TDRD1: variants seen among roughly 807,000 people sequenced by gnomAD.
TDRD1 encodes tudor domain containing 1.
TDRD1 carries 37 observed loss-of-function variants against 140.6 expected under a neutral mutation model. The observed-to-expected ratio is 0.26, with a 90% confidence interval of 0.20 to 0.35. TDRD1 has a LOEUF of 0.35. Ranked by LOEUF, TDRD1 falls within the 10% of genes least tolerant of loss-of-function variation. The pLI is 1.00. For synonymous variants in TDRD1, 506 were observed against 475.7 expected, an observed-to-expected ratio of 1.06 and a Z score of -0.83; for missense variants, 1,243 against 1,393.0, an observed-to-expected ratio of 0.89 and a Z score of 1.71.
At chr10:114,182,557 C>T (rs2033155575) in intron 1 of TDRD1, among the ~76,000 whole-genome samples, 1 of 152,178 alleles carries the variant, frequency 6.6e-6, no homozygotes, top group Non-Finnish European at 1.5e-5. Context: ...TTCAGTAAAC[C>T]TCATAGCCTG....
chr10:114,195,956 G>C (rs1346982964), intron 3 of TDRD1, among the ~76,000 whole-genome samples: 1 of 152,134 alleles, frequency 6.6e-6, no homozygotes, highest in Non-Finnish European at 1.5e-5. Flanking sequence ...ACACAACTTA[G>C]TTATCATTTT....
chr10:114,224,301 G>A lies in TDRD1; in HGVS notation c.3007+1598G>A, dbSNP rs192371417. Reference sequence around the variant, plus strand: ...CTGGTCAAAAGATTAATGTTATTCCGGATTCCACAAACTTTGTATGTTTTT... The same window carrying A: ...CTGGTCAAAAGATTAATGTTATTCCAGATTCCACAAACTTTGTATGTTTTT... On this transcript the variant is annotated intron_variant, in intron 21 of 25. Transcript: ENST00000251864. Among the ~76,000 whole-genome samples the A allele has an allele frequency of 1.6e-4, 24 of 152,254 alleles. No homozygotes were observed. In the East Asian group the frequency reaches 3.1e-3, roughly 20 times the overall value.
chr10:114,180,148 T>A (rs1160139429), intron 1 of TDRD1: 1 of 152,212 alleles, frequency 6.6e-6, no homozygotes, highest in Non-Finnish European at 1.5e-5. Flanking sequence ...TGCAAGCTGG[T>A]TCCACAGGAA....
At chr10:114,227,427 G>T in intron 23 of TDRD1, 128 bp downstream of exon 23, 2 of 728,258 alleles carry the variant, frequency 2.7e-6, no homozygotes, top group Non-Finnish European at 2.3e-6. Context: ...AAATCCAGTG[G>T]CAGGGTTCTG....
At chr10:114,231,327 G>T (rs752999767) in intron 25 of TDRD1, among the ~76,000 whole-genome samples, 2 of 152,168 alleles carry the variant, frequency 1.3e-5, no homozygotes, top group Non-Finnish European at 2.9e-5. Flanking sequence ...ATTATGCTAT[G>T]TTATGGTGGT....
At chr10:114,220,680 A>G in exon 19 of TDRD1, 2 of 1,612,182 alleles carry the variant, frequency 1.2e-6, no homozygotes, top group Non-Finnish European at 1.7e-6. Flanking sequence ...AAAATGGGAT[A>G]GGAGTTGAAC....
At chr10:114,227,163 A>G (rs1564698801) in exon 23 of TDRD1, 1 of 1,611,226 alleles carries the variant, frequency 6.2e-7, no homozygotes, top group Admixed American at 1.7e-5. Context: ...TTTCTGTGAA[A>G]GGAATTACAA....
intron 3 of TDRD1, among the ~76,000 whole-genome samples, chr10:114,198,033 T>C (rs1364773637): frequency 2.0e-5 from 3 of 152,098 alleles, no homozygotes; most frequent in African/African-American, 7.2e-5. Flanking sequence ...TACCGCCAGG[T>C]CGGGGGGTAT....
At chr10:114,228,597 A>C (rs760301689) in intron 25 of TDRD1, 597 of 985,308 alleles carry the variant, frequency 6.1e-4, no homozygotes, top group Middle Eastern at 1.5e-3. Context: ...AGTGGGCTGC[A>C]CTGAGGGTAT....
chr10:114,179,400 C>G (rs937923644), exon 1 of TDRD1: 3 of 152,372 alleles, frequency 2.0e-5, no homozygotes, highest in Admixed American at 1.3e-4. Flanking sequence ...ATCCGCGGTC[C>G]TCTTGCCTCT....
chr10:114,205,048 A>G (rs1377437274), intron 10 of TDRD1, among the ~76,000 whole-genome samples, 155 bp downstream of exon 10: 2 of 152,242 alleles, frequency 1.3e-5, no homozygotes, highest in Non-Finnish European at 1.5e-5. Flanking sequence ...GCAGTTTGTC[A>G]AAGACATGAC....
At position 114,198,814 on chromosome 10, in the gene TDRD1, C is replaced by T. The variant is rs186302328; in HGVS notation, c.385-359C>T. ...GACTGCAGGTGCCCACCACGACACC[C>T]GGCTAGAGAGCAGGGCTTTTCTTGT... On this transcript the variant is annotated intron_variant, in intron 3 of 25. Transcript: ENST00000251864. Among the ~76,000 whole-genome samples the T allele has an allele frequency of 1.5e-3, 221 of 152,274 alleles. 1 individual carries two copies. Among genetic ancestry groups the T allele is most frequent in the African/African-American group, 4.8e-3 (199 of 41,544 alleles).
At chr10:114,201,547 G>T (rs1165672814) in intron 5 of TDRD1, 32 bp downstream of exon 5, 2 of 1,577,036 alleles carry the variant, frequency 1.3e-6, no homozygotes. Context: ...ATTCATTAAG[G>T]ATTATGTAAA....
At chr10:114,202,358 G>C in intron 6 of TDRD1, 60 bp downstream of exon 6, 1 of 1,207,702 alleles carries the variant, frequency 8.3e-7, no homozygotes, top group Non-Finnish European at 1.2e-6. Context: ...TAAGATGTAA[G>C]ATAAATATTT....
chr10:114,191,140 T>C (rs1564935836), intron 3 of TDRD1, 121 bp downstream of exon 3: 5 of 1,128,672 alleles, frequency 4.4e-6, no homozygotes, highest in Non-Finnish European at 6.2e-6. Context: ...TTTTCTTTTA[T>C]GTACATTTTT....
chr10:114,191,670 A>G (rs985155307), intron 3 of TDRD1, among the ~76,000 whole-genome samples: 8 of 151,966 alleles, frequency 5.3e-5, no homozygotes, highest in Non-Finnish European at 1.2e-4. Context: ...TAAAACTAAA[A>G]CTCTATATCC....
chr10:114,223,578 T>C (rs1488054519), intron 21 of TDRD1, among the ~76,000 whole-genome samples: 1 of 152,180 alleles, frequency 6.6e-6, no homozygotes. Context: ...TGCACACTAG[T>C]TTTGTTTTTC....
rs148801686 is a variant in TDRD1, at chr10:114,204,186, C to T, written c.1095C>T (p.Leu365=). The change falls in exon 9 of 26, where the codon CTC becomes CTT. Residue 365 remains leucine, a synonymous_variant. Transcript: ENST00000251864. Reference sequence around the variant, plus strand: ...TTCCATTAAACAGAATTTACCACCTCAACAGGAACATTGACTTGTTTCCTC... The same window carrying T: ...TTCCATTAAACAGAATTTACCACCTTAACAGGAACATTGACTTGTTTCCTC... 5.1e-5 allele frequency: 82 copies of T among 1,595,808 alleles called. No individual in the cohort carries two copies. The African/African-American group carries it at 9.2e-4, about 18-fold the overall frequency.
At chr10:114,231,595 G>A in exon 26 of TDRD1, 3 of 1,227,852 alleles carry the variant, frequency 2.4e-6, no homozygotes, top group Non-Finnish European at 3.4e-6. Context: ...CCTTTTCTTT[G>A]TCCACTTTCT....
Sources: allele counts gnomAD v4.1 joint callset (sites outside exome capture counted in the v4.1 genomes callset), GRCh38; gene constraint gnomAD v4.1.1; transcripts MANE v1.5; gene names NCBI Gene and HGNC (gene_info 2026-07-23, HGNC 2026-07-21).